Variants in DCC observed in about 807,000 individuals in gnomAD.
DCC encodes DCC netrin 1 receptor.
Under a neutral mutation model 172.5 loss-of-function variants are expected in DCC, and 58 were observed. The observed-to-expected ratio is 0.34, with a 90% CI of 0.27 to 0.42. The LOEUF (loss-of-function observed/expected upper bound fraction) is 0.42, where lower values mean the gene tolerates loss of function less well. Among genes scored for constraint, DCC ranks in the 10% least tolerant of loss-of-function variants. The pLI is 1.00. For synonymous variants in DCC, 709 were observed against 644.5 expected, an observed-to-expected ratio of 1.10 and a Z score of -1.52; for missense variants, 1,740 against 1,791.0, an observed-to-expected ratio of 0.97 and a Z score of 0.51.
intron 12 of DCC, among the ~76,000 whole-genome samples, chr18:53,218,428 A>G (rs1329412886): frequency 1.3e-5 from 2 of 152,112 alleles, no homozygotes; most frequent in African/African-American, 2.4e-5. Context: ...ATCATGTTCC[A>G]TAATAATTAA....
At chr18:53,448,525 A>T (rs1335197670) in intron 22 of DCC, among the ~76,000 whole-genome samples, 1 of 152,176 alleles carries the variant, frequency 6.6e-6, no homozygotes. Context: ...GGGAACTACA[A>T]TTCAAGATGA....
chr18:53,000,678 A>G (rs2041551564), intron 5 of DCC, among the ~76,000 whole-genome samples: 1 of 148,694 alleles, frequency 6.7e-6, no homozygotes, highest in African/African-American at 2.5e-5. Context: ...CAGAGCCAGT[A>G]ATGTGTCACA....
intron 3 of DCC, among the ~76,000 whole-genome samples, chr18:52,906,790 CAT>C (rs2039890022): frequency 1.3e-5 from 2 of 151,518 alleles, no homozygotes; most frequent in Admixed American, 6.6e-5. Context: ...TATCATATAT[CAT>C]ATATCTATAG....
chr18:52,562,122 C>T (rs565270327), intron 1 of DCC, among the ~76,000 whole-genome samples: 88 of 152,158 alleles, frequency 5.8e-4, no homozygotes, highest in African/African-American at 2.0e-3. Context: ...ACCAAAAATG[C>T]ATTGGTACAA....
chr18:53,184,903 C>T (rs2055256257), intron 9 of DCC, among the ~76,000 whole-genome samples: 1 of 152,136 alleles, frequency 6.6e-6, no homozygotes, highest in Non-Finnish European at 1.5e-5. Context: ...CTGTCTAGCT[C>T]ATTACTTTTG....
intron 1 of DCC, among the ~76,000 whole-genome samples, chr18:52,505,743 G>C (rs1205520847): frequency 6.6e-6 from 1 of 152,086 alleles, no homozygotes; most frequent in Admixed American, 6.6e-5. Flanking sequence ...ACTTGTCATA[G>C]GAGGGGTTTA....
chr18:53,380,588 A>T lies in DCC; in HGVS notation c.2360-5455A>T, dbSNP rs189195670. 2.0e-3 allele frequency among the ~76,000 whole-genome samples: 307 copies of T among 152,266 alleles called. 8 individuals carry two copies. The highest frequency in any genetic ancestry group is 3.1e-3 in the East Asian group (16 of 5,166). ...ATACAGAGGCTAGACTCCCCAAAAG[A>T]TGTTTATGAGCAGTTAAAGTGTGAA... is the stretch of plus-strand genomic sequence containing the variant. On this transcript the variant is annotated intron_variant, in intron 15 of 28. Coordinates refer to ENST00000442544, the MANE Select transcript of DCC (RefSeq NM_005215.4).
At chr18:53,076,321 A>C (rs973295186) in intron 7 of DCC, among the ~76,000 whole-genome samples, 12 of 152,102 alleles carry the variant, frequency 7.9e-5, no homozygotes, top group Non-Finnish European at 1.3e-4. Flanking sequence ...GCAGTTTCAT[A>C]CCTACTTTAA....
chr18:53,063,197 T>C (rs913151959), intron 5 of DCC, 108 bp from the exon 6 acceptor site: 4 of 1,032,574 alleles, frequency 3.9e-6, no homozygotes, highest in Non-Finnish European at 6.1e-6. Flanking sequence ...ATTTGAATTA[T>C]AAATATTTTC....
At chr18:53,061,226 G>C (rs1453583419) in intron 5 of DCC, among the ~76,000 whole-genome samples, 1 of 151,862 alleles carries the variant, frequency 6.6e-6, no homozygotes, top group African/African-American at 2.4e-5. Flanking sequence ...CCATTATTTG[G>C]GCTCTTGAAA....
intron 1 of DCC, among the ~76,000 whole-genome samples, chr18:52,479,858 C>T (rs968400388): frequency 3.9e-5 from 6 of 152,148 alleles, no homozygotes; most frequent in African/African-American, 1.4e-4. Context: ...TCTGTTTTAA[C>T]CATACTAAGA....
chr18:52,969,749 A>T (rs566365348), intron 5 of DCC, among the ~76,000 whole-genome samples: 2 of 152,100 alleles, frequency 1.3e-5, no homozygotes, highest in Non-Finnish European at 2.9e-5. Context: ...GGATAGGCTG[A>T]AAAGTTTAAA....
At chr18:53,391,007 A>G (rs181575423) in intron 16 of DCC, among the ~76,000 whole-genome samples, 1 of 152,294 alleles carries the variant, frequency 6.6e-6, no homozygotes, top group Admixed American at 6.5e-5. Context: ...ATTATCAAAT[A>G]TATAATTGAT....
chr18:52,917,533 G>A (rs1221755865), intron 3 of DCC, among the ~76,000 whole-genome samples: 1 of 152,114 alleles, frequency 6.6e-6, no homozygotes, highest in Non-Finnish European at 1.5e-5. Context: ...ATTGTAGACT[G>A]GTCATCCTCA....
At chr18:53,100,522 G>A (rs1331444071) in intron 7 of DCC, among the ~76,000 whole-genome samples, 1 of 151,746 alleles carries the variant, frequency 6.6e-6, no homozygotes, top group Non-Finnish European at 1.5e-5. Context: ...GAGGACAATA[G>A]GTACAAGGGA....
At chr18:52,769,169 G>A (rs1246874699) in intron 2 of DCC, among the ~76,000 whole-genome samples, 3 of 152,186 alleles carry the variant, frequency 2.0e-5, no homozygotes, top group Non-Finnish European at 4.4e-5. Flanking sequence ...ATCTTCCAAA[G>A]TGGATATACC....
At chr18:52,683,540 A>G (rs534080129) in intron 1 of DCC, among the ~76,000 whole-genome samples, 1 of 152,260 alleles carries the variant, frequency 6.6e-6, no homozygotes, top group Admixed American at 6.6e-5. Flanking sequence ...CAAAAAGTCT[A>G]TATTTTAACA....
rs566165487 is a variant in DCC, at chr18:53,213,509, G to A, written c.1862-2039G>A. The stretch of plus-strand genomic sequence containing the variant: ...CTAAAAGTGCAAAAGTTAACTGGGC[G>A]TGGTGGTGGGCACCTGTAGTCCCAG... On this transcript the variant is annotated intron_variant, in intron 11 of 28. Transcript: ENST00000442544. Among the ~76,000 whole-genome samples the A allele has an allele frequency of 9.9e-5, 15 of 151,906 alleles. No homozygotes were observed. In the East Asian group the frequency reaches 1.4e-3, roughly 14 times the overall value.
intron 5 of DCC, among the ~76,000 whole-genome samples, chr18:52,977,514 T>C (rs72928155): frequency 0.021 from 3,255 of 152,284 alleles, 61 homozygotes; most frequent in Admixed American, 0.039. Context: ...TAAAATTATG[T>C]TCTAGAATAA....
Sources: gnomAD v4.1 joint callset for allele counts (sites outside exome capture counted in the v4.1 genomes callset) on GRCh38, gnomAD v4.1.1 for gene constraint, MANE v1.5 for transcripts, NCBI Gene and HGNC (gene_info 2026-07-23, HGNC 2026-07-21) for gene names.